The following ADGRL2 variants were observed in gnomAD, a reference collection of about 807,000 sequenced individuals.
The protein encoded by ADGRL2 is calcium-independent alpha-latrotoxin receptor 2.
Under a neutral mutation model 157.4 loss-of-function variants are expected in ADGRL2, and 44 were observed. The observed-to-expected ratio is 0.28, with a 90% confidence interval of 0.22 to 0.36. The LOEUF is 0.36. Among genes scored for constraint, ADGRL2 ranks in the 10% least tolerant of loss-of-function variants. The probability of loss-of-function intolerance (pLI) is 1.00; values close to 1 mark genes in which losing one functional copy is unlikely to be tolerated. For synonymous variants in ADGRL2, 585 were observed against 624.7 expected (o/e 0.94, Z 0.95); for missense variants, 1,510 against 1,768.9 (o/e 0.85, Z 2.63).
chr1:81,402,687 C>T (rs907413132), intron 1 of ADGRL2, among the ~76,000 whole-genome samples: 4 of 152,178 alleles, frequency 2.6e-5, no homozygotes, highest in Non-Finnish European at 5.9e-5. Flanking sequence ...TATTGTCTTC[C>T]ATTTTCTTAG....
In ADGRL2 at chr1:81,693,814, T is replaced by TTTCTG. The variant is rs2083389488; in HGVS notation, c.-142-67997_-142-67996insTTCTG. On this transcript the variant is annotated intron_variant, in intron 3 of 24. Transcript: ENST00000370721. ...CAAATCAGTGGCTGGCAGGGGAAATTATATATAGAAAAATGACACAGAAAA... is the reference window on the plus strand; with the variant it reads ...CAAATCAGTGGCTGGCAGGGGAAATTTTCTGATATATAGAAAAATGACACAGAAAA... Among the ~76,000 whole-genome samples, 9 of 152,242 alleles carry TTTCTG rather than the reference T, an allele frequency of 5.9e-5. No individual in the cohort carries two copies. In the South Asian group the frequency reaches 1.9e-3, roughly 32 times the overall value.
At chr1:81,412,296 TTATA>T (rs1346783327) in intron 1 of ADGRL2, among the ~76,000 whole-genome samples, 1 of 152,200 alleles carries the variant, frequency 6.6e-6, no homozygotes, top group Admixed American at 6.5e-5. Context: ...AATTGAATCA[TTATA>T]TCATGTTATG....
At chr1:81,720,611 T>C (rs1421620293) in intron 1 of ADGRL2, among the ~76,000 whole-genome samples, 2 of 152,130 alleles carry the variant, frequency 1.3e-5, no homozygotes. Context: ...AGAAAAGAGA[T>C]ATAAAATTAA....
chr1:81,566,695 A>G (rs1004763649), intron 2 of ADGRL2, among the ~76,000 whole-genome samples: 2 of 152,148 alleles, frequency 1.3e-5, no homozygotes, highest in Non-Finnish European at 2.9e-5. Context: ...CTTACAGGAA[A>G]GCCTAAGAAA....
intron 1 of ADGRL2, among the ~76,000 whole-genome samples, chr1:81,364,513 CT>C (rs11321005): frequency 0.51 from 77,285 of 151,780 alleles, 21,694 homozygotes; most frequent in East Asian, 0.72. Flanking sequence ...AAAAACAGTT[CT>C]TTTGAATACT....
intron 3 of ADGRL2, among the ~76,000 whole-genome samples, chr1:81,675,437 A>AT (rs1338726863): frequency 2.6e-5 from 4 of 152,122 alleles, no homozygotes; most frequent in African/African-American, 4.8e-5. Flanking sequence ...TGTGGCAAAG[A>AT]TTTTTTTCTT....
chr1:81,662,579 G>T (rs1570766947), intron 3 of ADGRL2, among the ~76,000 whole-genome samples: 1 of 140,402 alleles, frequency 7.1e-6, no homozygotes. Context: ...TTTTGAGACA[G>T]AGTCTCGCTC....
At chr1:81,546,835 T>C (rs2080028838) in intron 2 of ADGRL2, among the ~76,000 whole-genome samples, 1 of 152,072 alleles carries the variant, frequency 6.6e-6, no homozygotes, top group Non-Finnish European at 1.5e-5. Context: ...GTCCTCTAAG[T>C]CCTCCCGGCC....
At chr1:81,312,283 G>A (rs1215696337) in intron 1 of ADGRL2, among the ~76,000 whole-genome samples, 1 of 152,196 alleles carries the variant, frequency 6.6e-6, no homozygotes. Flanking sequence ...CCGGGCGGAC[G>A]CCATCACCCA....
chr1:81,856,583 C>A (rs1198046153), intron 2 of ADGRL2, among the ~76,000 whole-genome samples: 2 of 152,034 alleles, frequency 1.3e-5, no homozygotes, highest in African/African-American at 4.8e-5. Context: ...TGAGCACCAG[C>A]AGAAATGGTG....
intron 3 of ADGRL2, among the ~76,000 whole-genome samples, chr1:81,593,640 C>G (rs1314129081): frequency 6.6e-6 from 1 of 152,108 alleles, no homozygotes; most frequent in Non-Finnish European, 1.5e-5. Flanking sequence ...TATTCCTATG[C>G]TTTGAAATAT....
intron 2 of ADGRL2, among the ~76,000 whole-genome samples, chr1:81,847,566 T>C (rs2092839456): frequency 6.6e-6 from 1 of 151,946 alleles, no homozygotes; most frequent in Non-Finnish European, 1.5e-5. Flanking sequence ...TAAGCTACCT[T>C]GAAACTTTAC....
chr1:81,484,341 T>C (rs2078454132), intron 2 of ADGRL2, among the ~76,000 whole-genome samples: 1 of 152,166 alleles, frequency 6.6e-6, no homozygotes, highest in Non-Finnish European at 1.5e-5. Context: ...CAACAGATCA[T>C]TTTATTTGGG....
chr1:81,427,149 T>C lies in ADGRL2; in HGVS notation c.-301-17887T>C, dbSNP rs1362871305. The C allele has an allele frequency of 4.3e-6, 5 of 1,164,338 alleles. No individual in the cohort carries two copies. The East Asian group carries it at 9.4e-5, about 22-fold the overall frequency. 72.1% of individuals were successfully genotyped at this position (1,164,338 alleles called of 1,614,324 possible). A position where few individuals can be genotyped will look rare whatever the true frequency, so the allele number is the denominator to read the frequency against. On this transcript the variant is annotated intron_variant, in intron 1 of 24. Transcript: ENST00000370721. ...GATTGTGGAGGTGGATCCGGCAATT[T>C]TATGGGTTGCGGAGGAAACTTTCGA...
chr1:81,655,316 A>G (rs1005648417), intron 3 of ADGRL2, among the ~76,000 whole-genome samples: 1 of 152,136 alleles, frequency 6.6e-6, no homozygotes, highest in Non-Finnish European at 1.5e-5. Flanking sequence ...TGTATTTTTA[A>G]TATTACTACT....
chr1:81,832,014 A>T (rs1194920645), intron 1 of ADGRL2, among the ~76,000 whole-genome samples: 2 of 152,140 alleles, frequency 1.3e-5, no homozygotes, highest in African/African-American at 4.8e-5. Flanking sequence ...TTTGGTAAGG[A>T]TTAGTGATAT....
At chr1:81,512,357 C>T (rs138197932) in intron 2 of ADGRL2, among the ~76,000 whole-genome samples, 2 of 152,126 alleles carry the variant, frequency 1.3e-5, no homozygotes, top group African/African-American at 4.8e-5. Context: ...AGAGCTGTGT[C>T]GGAGCAGGGA....
Position 81,691,729 on chromosome 1 carries a change from C to A in ADGRL2, c.-142-70082C>A, listed in dbSNP as rs566538201. On this transcript the variant is annotated intron_variant, in intron 3 of 24. Transcript: ENST00000370721. The stretch of plus-strand genomic sequence containing the variant: ...GGTCAGGCTGGTCTTGAGCTCCCAA[C>A]CTCAGGTGATCCGCCCACCTCAGCC... 4.0e-5 allele frequency among the ~76,000 whole-genome samples: 6 copies of A among 151,808 alleles called. No homozygotes were observed. The East Asian group carries it at 1.2e-3, about 30-fold the overall frequency.
intron 3 of ADGRL2, chr1:81,586,250 G>T (rs1460076990): frequency 6.6e-6 from 1 of 151,954 alleles, no homozygotes; most frequent in East Asian, 1.9e-4. Context: ...AAACATATCT[G>T]TAATCTTCAC....
Sources: allele counts gnomAD v4.1 joint callset (sites outside exome capture counted in the v4.1 genomes callset), GRCh38; gene constraint gnomAD v4.1.1; transcripts MANE v1.5; gene names NCBI Gene and HGNC (gene_info 2026-07-23, HGNC 2026-07-21).